The following PRELID2 variants were observed in gnomAD, a reference collection of about 807,000 sequenced individuals.
PRELID2 encodes the protein PRELI domain-containing protein 2.
A neutral mutation model predicts 28.4 loss-of-function variants in PRELID2; 25 were observed. That is an observed-to-expected ratio of 0.88 (90% CI 0.64 to 1.23). The LOEUF (loss-of-function observed/expected upper bound fraction) is 1.23, where lower values mean the gene tolerates loss of function less well. PRELID2 is among the 50% of genes most tolerant of loss of function. The pLI is 0.00. For missense variants in PRELID2, 201 were observed against 214.4 expected (o/e 0.94, Z 0.39); for synonymous variants, 76 against 71.6 (o/e 1.06, Z -0.31).
At chr5:145,825,380 C>G (rs1429082831) in intron 1 of PRELID2, among the ~76,000 whole-genome samples, 1 of 152,002 alleles carries the variant, frequency 6.6e-6, no homozygotes, top group Non-Finnish European at 1.5e-5. Flanking sequence ...TACACAGTAC[C>G]CCTAAAGCAA....
the PRELID2 span, among the ~76,000 whole-genome samples, chr5:145,338,760 C>T: frequency 6.6e-6 from 1 of 152,128 alleles, no homozygotes; most frequent in African/African-American, 2.4e-5. Flanking sequence ...ATAGTTGAAA[C>T]ACTGGCCCAA....
intron 1 of PRELID2, among the ~76,000 whole-genome samples, chr5:145,485,636 A>G (rs1467362367): frequency 2.0e-5 from 3 of 152,154 alleles, no homozygotes; most frequent in Non-Finnish European, 4.4e-5. Context: ...CTAAAATGGC[A>G]GTCTTAACCG....
At chr5:145,571,963 C>T (rs555080319) in intron 1 of PRELID2, among the ~76,000 whole-genome samples, 90 of 145,528 alleles carry the variant, frequency 6.2e-4, no homozygotes, top group Middle Eastern at 3.6e-3. Flanking sequence ...GCCTGGGCAA[C>T]AGAGTGAGAC....
At chr5:145,596,296 G>A (rs940569786) in intron 1 of PRELID2, among the ~76,000 whole-genome samples, 1 of 151,984 alleles carries the variant, frequency 6.6e-6, no homozygotes, top group Non-Finnish European at 1.5e-5. Context: ...CAGAAGGGAG[G>A]TTATTAGTGT....
the PRELID2 span, among the ~76,000 whole-genome samples, chr5:145,315,750 G>A: frequency 2.0e-5 from 3 of 151,842 alleles, no homozygotes; most frequent in East Asian, 1.9e-4. Context: ...AATGGAATGC[G>A]AGGCTGAATC....
chr5:145,646,315 T>C (rs1754195511), intron 1 of PRELID2, among the ~76,000 whole-genome samples: 1 of 152,206 alleles, frequency 6.6e-6, no homozygotes, highest in African/African-American at 2.4e-5. Context: ...TTCTTCCTCT[T>C]GATCTGTACG....
chr5:145,446,619 C>T, the PRELID2 span, among the ~76,000 whole-genome samples: 4 of 152,206 alleles, frequency 2.6e-5, no homozygotes, highest in Middle Eastern at 3.4e-3. Context: ...ATTTGCCAAT[C>T]GATCGGACAT....
At chr5:145,661,687 AAAC>A (rs1754497919) in intron 1 of PRELID2, among the ~76,000 whole-genome samples, 2 of 142,280 alleles carry the variant, frequency 1.4e-5, no homozygotes, top group African/African-American at 6.1e-5. Flanking sequence ...AAAAAAAAAA[AAAC>A]ATGTTATGCT....
intron 1 of PRELID2, among the ~76,000 whole-genome samples, chr5:145,514,919 CA>C (rs1373764811): frequency 6.6e-6 from 1 of 152,066 alleles, no homozygotes; most frequent in East Asian, 1.9e-4. Context: ...GGGTAAATAA[CA>C]AAATTAAGGC....
At chr5:145,372,839 A>G in the PRELID2 span, among the ~76,000 whole-genome samples, 3 of 144,778 alleles carry the variant, frequency 2.1e-5, no homozygotes, top group Non-Finnish European at 1.5e-5. Flanking sequence ...CAGCTCATTT[A>G]CATAAGGTTA....
At chr5:145,359,111 G>A in the PRELID2 span, among the ~76,000 whole-genome samples, 4 of 151,990 alleles carry the variant, frequency 2.6e-5, no homozygotes, top group African/African-American at 9.7e-5. Context: ...TCTTTAACTG[G>A]TACTCCAAAC....
At chr5:145,383,546 A>T in the PRELID2 span, among the ~76,000 whole-genome samples, 2 of 151,656 alleles carry the variant, frequency 1.3e-5, no homozygotes, top group Non-Finnish European at 2.9e-5. Flanking sequence ...GATGATTTTC[A>T]TCAAAGAAGC....
chr5:145,746,055 A>C (rs1179399055), intron 1 of PRELID2, among the ~76,000 whole-genome samples: 1 of 152,202 alleles, frequency 6.6e-6, no homozygotes, highest in Non-Finnish European at 1.5e-5. Flanking sequence ...AATCCACTGC[A>C]AAAACACACC....
chr5:145,413,489 G>T, the PRELID2 span, among the ~76,000 whole-genome samples: 1 of 152,036 alleles, frequency 6.6e-6, no homozygotes, highest in Admixed American at 6.6e-5. Flanking sequence ...GTATCTAAAA[G>T]GAAAATAAGT....
the PRELID2 span, chr5:145,229,668 C>T: frequency 2.6e-6 from 2 of 781,536 alleles, no homozygotes; most frequent in Non-Finnish European, 4.6e-6. Flanking sequence ...CTACCAGACC[C>T]CAGTAGGCAC....
At chr5:145,426,004 A>T in the PRELID2 span, among the ~76,000 whole-genome samples, 1 of 152,116 alleles carries the variant, frequency 6.6e-6, no homozygotes, top group Admixed American at 6.5e-5. Flanking sequence ...ACTCAGCTCA[A>T]GTCTCACTTA....
At chr5:145,320,337 C>CTCGGCTCACTGCAAGCT in the PRELID2 span, among the ~76,000 whole-genome samples, 2 of 151,056 alleles carry the variant, frequency 1.3e-5, no homozygotes, top group African/African-American at 4.9e-5. Flanking sequence ...GTGGCGGGAT[C>CTCGGCTCACTGCAAGCT]TCGGCTCACT....
At position 145,686,712 on chromosome 5, in the gene PRELID2, T is replaced by A. The variant is rs910395115; in HGVS notation, n.70+78219A>T. Among the ~76,000 whole-genome samples, 3 of 152,320 alleles carry A rather than the reference T, an allele frequency of 2.0e-5. No individual in the cohort carries two copies. The East Asian group carries it at 5.8e-4, about 29-fold the overall frequency. On this transcript the variant is annotated intron_variant and non_coding_transcript_variant, in intron 1 of 2. Transcript: ENST00000510259. ...AGAGCACCAATTACTTGCCCTTTTG[T>A]TTCCGCCATTTCTTGGAGAAAATTT...
At chr5:145,661,004 T>G (rs1374047907) in intron 1 of PRELID2, among the ~76,000 whole-genome samples, 1 of 152,208 alleles carries the variant, frequency 6.6e-6, no homozygotes, top group Non-Finnish European at 1.5e-5. Flanking sequence ...TTAAAAATCT[T>G]ATTCTTTTTG....
Sources: allele counts gnomAD v4.1 joint callset (sites outside exome capture counted in the v4.1 genomes callset), GRCh38; gene constraint gnomAD v4.1.1; transcripts MANE v1.5; gene names NCBI Gene and HGNC (gene_info 2026-07-23, HGNC 2026-07-21).